WDR93: variants seen among roughly 807,000 people sequenced by gnomAD.
WDR93 encodes WD repeat domain 93, also known as WD repeat-containing protein 93.
A neutral mutation model predicts 82.9 loss-of-function variants in WDR93; 73 were observed. The ratio of observed to expected loss-of-function variants is 0.88; its 90% confidence interval spans 0.73 to 1.07. WDR93 has a LOEUF of 1.07. Among genes scored for constraint, WDR93 ranks in the 50% least tolerant of loss-of-function variants. The probability of loss-of-function intolerance (pLI) is 0.00; values close to 1 mark genes in which losing one functional copy is unlikely to be tolerated. For missense variants in WDR93, 738 were observed against 826.0 expected (o/e 0.89, Z 1.31); for synonymous variants, 283 against 300.1 (o/e 0.94, Z 0.59).
upstream of WDR93, chr15:89,690,516 A>T (rs1360158137): frequency 1.6e-6 from 2 of 1,280,850 alleles, no homozygotes; most frequent in Non-Finnish European, 2.2e-6. Flanking sequence ...GGTGCAGGGG[A>T]ATAGGCACGG....
intron 16 of WDR93, 59 bp from the exon 17 acceptor site, chr15:89,743,233 G>T (rs764578409): frequency 7.9e-5 from 125 of 1,577,654 alleles, no homozygotes; most frequent in Non-Finnish European, 1.0e-4. Flanking sequence ...CTGCCCTGGG[G>T]GCTCGGGAGC....
chr15:89,736,556 G>C (rs142885343), intron 14 of WDR93, among the ~76,000 whole-genome samples: 1 of 152,030 alleles, frequency 6.6e-6, no homozygotes, highest in Admixed American at 6.6e-5. Flanking sequence ...CAAAGTGACC[G>C]TGAGGGGCCC....
intron 3 of WDR93, 161 bp downstream of exon 3, chr15:89,703,303 C>G: frequency 1.4e-6 from 1 of 733,930 alleles, no homozygotes; most frequent in South Asian, 1.8e-5. Context: ...GGGTCAGATA[C>G]TGTTCTACCA....
chr15:89,719,791 C>G lies in WDR93; in HGVS notation c.796-2264C>G, dbSNP rs963318019. Among the ~76,000 whole-genome samples, 5 of 151,210 alleles carry G rather than the reference C, an allele frequency of 3.3e-5. No homozygotes were observed. The South Asian group carries it at 1.0e-3, about 32-fold the overall frequency. On this transcript the variant is annotated intron_variant, in intron 7 of 16. Coordinates refer to ENST00000268130, the MANE Select transcript of WDR93 (RefSeq NM_020212.2). ...GTTTCCTCTTCTAATTTCTTTCTTT[C>G]TTTTTCTTCTTTTTTTCTTTTTTTT...
upstream of WDR93, chr15:89,690,482 TAGGCTATCA>T (rs1964809362): frequency 1.1e-6 from 1 of 873,592 alleles, no homozygotes; most frequent in Admixed American, 2.3e-5. Flanking sequence ...TTCCATCTAC[TAGGCTATCA>T]CCTCCTTTTT....
Position 89,690,851 on chromosome 15 carries a change from C to T in WDR93, c.-47C>T, listed in dbSNP as rs1206937415. On this transcript the variant is annotated 5_prime_UTR_variant, in exon 1 of 17. Transcript: ENST00000268130. ...GTTACCAAGGCGACGCAACGCCGCC[C>T]GGCCAGGTGAGCAAAACTGATCTTA... 1.7e-5 allele frequency: 9 copies of T among 545,116 alleles called. No individual in the cohort carries two copies. The highest frequency in any genetic ancestry group is 2.9e-5 in the Non-Finnish European group (9 of 305,566). The allele number at this position is 545,116 out of a possible 1,614,324, so 33.8% of individuals were successfully genotyped here. A position where few individuals can be genotyped will look rare whatever the true frequency, so the allele number is the denominator to read the frequency against.
Position 89,705,460 on chromosome 15 carries a change from A to G in WDR93, c.497-94A>G, listed in dbSNP as rs1278452246. 5.1e-6 allele frequency: 4 copies of G among 791,504 alleles called. No individual in the cohort carries two copies. In the African/African-American group the frequency reaches 6.9e-5, roughly 14 times the overall value. 49.0% of individuals were successfully genotyped at this position (791,504 alleles called of 1,614,324 possible). A position where few individuals can be genotyped will look rare whatever the true frequency, so the allele number is the denominator to read the frequency against. ...AGGAGGCCTAAGAATGAGCGAGCTC[A>G]TGATGGTAAGTTCACAAAGTCCAAT... On this transcript the variant is annotated intron_variant, in intron 3 of 16. Transcript: ENST00000268130.
Position 89,715,093 on chromosome 15 carries a change from CTGGT to C in WDR93, c.755_756+2del. On this transcript the variant is annotated splice_donor_variant and coding_sequence_variant, in exon 6 of 17. Coordinates refer to ENST00000268130, the MANE Select transcript of WDR93 (RefSeq NM_020212.2). LOFTEE classifies it high-confidence loss of function. ...AAAGAAAAAAGTCAGACAGCCGCAA[CTGGT>C]AGGAAATATCTCTGCTTTCAGCTGA... 1 of 1,613,138 alleles carries C rather than the reference CTGGT, an allele frequency of 6.2e-7. No individual in the cohort carries two copies. The highest frequency in any genetic ancestry group is 8.5e-7 in the Non-Finnish European group (1 of 1,179,596).
In WDR93 at chr15:89,706,144, G is replaced by A. The variant is rs955939514; in HGVS notation, c.561+526G>A. ...CACAGTTTCTACCACAGTGTTTCCC[G>A]CACCCTCTACCCTAGTTTGTTCATG... On this transcript the variant is annotated intron_variant, in intron 4 of 16. Transcript: ENST00000268130. Among the ~76,000 whole-genome samples, 5 of 152,086 alleles carry A rather than the reference G, an allele frequency of 3.3e-5. No homozygotes were observed. In the East Asian group the frequency reaches 5.8e-4, roughly 18 times the overall value.
intron 16 of WDR93, among the ~76,000 whole-genome samples, 179 bp from the exon 17 acceptor site, chr15:89,743,112 AG>A (rs1055149239): frequency 2.0e-5 from 3 of 152,220 alleles, no homozygotes; most frequent in African/African-American, 7.2e-5. Context: ...TCATTCCTCC[AG>A]GAAAGGCCTT....
In WDR93 at chr15:89,703,049, A is replaced by G. The variant is rs775090241; in HGVS notation, c.403A>G (p.Ile135Val). 1 of 1,614,222 alleles carries G rather than the reference A, an allele frequency of 6.2e-7. No homozygotes were observed. The highest frequency in any genetic ancestry group is 1.1e-5 in the South Asian group (1 of 91,088). ...SIYNLYSAKQ[I>V]YAWEKLKVDV... ...TTATAATCTGTACAGTGCTAAACAAATATATGCGTGGGAGAAGCTTAAGGT... is the reference window on the plus strand; with the variant it reads ...TTATAATCTGTACAGTGCTAAACAAGTATATGCGTGGGAGAAGCTTAAGGT... The change falls in exon 3 of 17, where the codon ATA (isoleucine) becomes GTA (valine). Residue 135 changes from isoleucine to valine, a missense_variant. By Grantham distance (29) the Ile-to-Val change is conservative (BLOSUM62 3). Transcript: ENST00000268130.
At position 89,731,453 on chromosome 15, in the gene WDR93, T is replaced by C; in HGVS notation, c.1221T>C (p.Gly407=). ...RTLKDKADPE[G]VWPCAAPIAV... Reference sequence around the variant, plus strand: ...TGTCCTTCCCCCTAGACCCCGAGGGTGTGTGGCCCTGTGCTGCGCCCATTG... The same window carrying C: ...TGTCCTTCCCCCTAGACCCCGAGGGCGTGTGGCCCTGTGCTGCGCCCATTG... The change falls in exon 12 of 17, where the codon GGT becomes GGC. Residue 407 remains glycine (G), a synonymous_variant. Transcript: ENST00000268130. 2 of 1,613,912 alleles carry C rather than the reference T, an allele frequency of 1.2e-6. No individual in the cohort carries two copies. Among genetic ancestry groups the C allele is most frequent in the Non-Finnish European group, 1.7e-6 (2 of 1,179,950 alleles).
Position 89,733,565 on chromosome 15 carries a change from T to C in WDR93, c.1544+346T>C, listed in dbSNP as rs577600370. Among the ~76,000 whole-genome samples, 80 of 152,260 alleles carry C rather than the reference T, an allele frequency of 5.3e-4. No homozygotes were observed. In the South Asian group the frequency reaches 0.011, roughly 22 times the overall value. ...ATGGATTAACCCACTCATGCATTAA[T>C]GGATTAATAGGTGAATGGATTAATG... is the stretch of plus-strand genomic sequence containing the variant. On this transcript the variant is annotated intron_variant, in intron 13 of 16. Coordinates refer to ENST00000268130, the MANE Select transcript of WDR93 (RefSeq NM_020212.2).
At chr15:89,726,820 A>G (rs1440215441) in intron 8 of WDR93, among the ~76,000 whole-genome samples, 2 of 152,190 alleles carry the variant, frequency 1.3e-5, no homozygotes, top group Non-Finnish European at 2.9e-5. Flanking sequence ...AGGGACAGTG[A>G]TCTAAAGTCT....
intron 14 of WDR93, among the ~76,000 whole-genome samples, chr15:89,736,832 C>T (rs911632401): frequency 2.7e-5 from 4 of 150,584 alleles, no homozygotes; most frequent in African/African-American, 9.8e-5. Flanking sequence ...CGCTCTGCCG[C>T]CCAGGCTGGA....
chr15:89,722,653 C>A (rs757952061), intron 8 of WDR93, among the ~76,000 whole-genome samples: 4 of 152,066 alleles, frequency 2.6e-5, no homozygotes, highest in Non-Finnish European at 5.9e-5. Context: ...TGTGAAAACT[C>A]AGGGTAAGAA....
At chr15:89,715,485 C>G (rs1176952864) in intron 6 of WDR93, among the ~76,000 whole-genome samples, 3 of 152,068 alleles carry the variant, frequency 2.0e-5, no homozygotes, top group Non-Finnish European at 4.4e-5. Context: ...AGGTTGTTCT[C>G]AATATACAGA....
Position 89,738,233 on chromosome 15 carries a change from A to G in WDR93, c.1958A>G (p.Lys653Arg). Residue 653 changes from lysine to arginine, a missense_variant, in exon 16 of 17, where the codon AAG becomes AGG. Transcript: ENST00000268130. ...AAGAGATGTGAGCGTTTCCTCCAGA[A>G]GAGGTAAAGAGCTCTGTGTCTTCAC... is the stretch of plus-strand genomic sequence containing the variant. ...LEKRCERFLQ[K>R]SYRKLEKNPE... 6.2e-7 allele frequency: 1 copy of G among 1,604,844 alleles called. No homozygotes were observed. Among genetic ancestry groups the G allele is most frequent in the Non-Finnish European group, 8.5e-7 (1 of 1,175,794 alleles).
At chr15:89,690,503 C>T (rs2141558639), upstream of WDR93, 1 of 1,142,388 alleles carries the variant, frequency 8.8e-7, no homozygotes, top group South Asian at 1.4e-5. Flanking sequence ...CTCCTTTTTC[C>T]CGGGTGCAGG....
Sources: gnomAD v4.1 joint callset for allele counts (sites outside exome capture counted in the v4.1 genomes callset) on GRCh38, gnomAD v4.1.1 for gene constraint, MANE v1.5 for transcripts, NCBI Gene and HGNC (gene_info 2026-07-23, HGNC 2026-07-21) for gene names.